The following ANKEF1 variants were observed in gnomAD, a reference collection of about 807,000 sequenced individuals.
ANKEF1 encodes the protein ankyrin repeat and EF-hand domain-containing protein 1.
A neutral mutation model predicts 65.1 loss-of-function variants in ANKEF1; 43 were observed. That is an observed-to-expected ratio of 0.66 (90% confidence interval 0.52 to 0.85). ANKEF1 has a LOEUF of 0.85. Among genes scored for constraint, ANKEF1 ranks in the 40% least tolerant of loss-of-function variants. ANKEF1 has a pLI of 0.00. For synonymous variants in ANKEF1, 316 were observed against 341.5 expected (o/e 0.93, Z 0.82); for missense variants, 934 against 952.9 (o/e 0.98, Z 0.26).
chr20:10,038,268 G>A lies in ANKEF1; in HGVS notation c.-34G>A, dbSNP rs768607390. 1 of 1,349,810 alleles carries A rather than the reference G, an allele frequency of 7.4e-7. No homozygotes were observed. The highest frequency in any genetic ancestry group is 9.8e-7 in the Non-Finnish European group (1 of 1,024,300). 83.6% of individuals were successfully genotyped at this position (1,349,810 alleles called of 1,614,324 possible). A position where few individuals can be genotyped will look rare whatever the true frequency, so the allele number is the denominator to read the frequency against. On this transcript the variant is annotated 5_prime_UTR_variant, in exon 3 of 11. Coordinates refer to ENST00000378392, the MANE Select transcript of ANKEF1 (RefSeq NM_022096.6). ...TTTTTGTTGCTTCAGCTTTAGTTTT[G>A]GTCCAGAAAGCATTTTCAAGGAGCT... is the stretch of plus-strand genomic sequence containing the variant.
Position 10,057,057 on chromosome 20 carries a change from C to G in ANKEF1, c.*1397C>G, listed in dbSNP as rs562389902. On this transcript the variant is annotated 3_prime_UTR_variant, in exon 11 of 11. Transcript: ENST00000378392. ...TGCAGTGGGTACCGAACAGGAGCTCCAAAAATATCCAACGTCTCATTGACA... is the reference window on the plus strand; with the variant it reads ...TGCAGTGGGTACCGAACAGGAGCTCGAAAAATATCCAACGTCTCATTGACA... 2 of 152,280 alleles carry G rather than the reference C, an allele frequency of 1.3e-5. No individual in the cohort carries two copies. Among genetic ancestry groups the G allele is most frequent in the African/African-American group, 2.4e-5 (1 of 41,554 alleles). The allele number at this position is 152,280 out of a possible 1,614,324, so 9.4% of individuals were successfully genotyped here.
Position 10,049,566 on chromosome 20 carries a change from T to C in ANKEF1, c.997T>C (p.Ser333Pro), listed in dbSNP as rs1984717488. 1 of 1,613,990 alleles carries C rather than the reference T, an allele frequency of 6.2e-7. No individual in the cohort carries two copies. The highest frequency in any genetic ancestry group is 8.5e-7 in the Non-Finnish European group (1 of 1,180,024). Residue 333 changes from serine (S) to proline (P), a missense_variant, in exon 7 of 11, where the codon TCC becomes CCC. By Grantham distance (74) the Ser-to-Pro change is moderately conservative (BLOSUM62 -1). Transcript: ENST00000378392. ...PLWALRLHDW[S>P]VEREAFLREA... is the part of the protein sequence containing the mutation. ...GTGGGCCCTTAGACTGCACGATTGG[T>C]CCGTAGAACGTGAGGCTTTCCTCCG...
At chr20:10,035,969 T>C (rs1052224073) in intron 2 of ANKEF1, among the ~76,000 whole-genome samples, 2 of 152,224 alleles carry the variant, frequency 1.3e-5, no homozygotes, top group Non-Finnish European at 2.9e-5. Flanking sequence ...AGGGTCATGC[T>C]GGGGAAAAGT....
In ANKEF1 at chr20:10,058,047, C is replaced by G. The variant is rs1465542117; in HGVS notation, c.*2387C>G. ...AGCAGTGCTACAGATGTCATTGCACCCTTCTCAGTACATCATATCAGGAGG... is the reference window on the plus strand; with the variant it reads ...AGCAGTGCTACAGATGTCATTGCACGCTTCTCAGTACATCATATCAGGAGG... On this transcript the variant is annotated 3_prime_UTR_variant, in exon 11 of 11. Coordinates refer to ENST00000378392, the MANE Select transcript of ANKEF1 (RefSeq NM_022096.6). The G allele has an allele frequency of 6.6e-6, 1 of 152,094 alleles. No homozygotes were observed. The highest frequency in any genetic ancestry group is 1.5e-5 in the Non-Finnish European group (1 of 68,000). The allele number at this position is 152,094 out of a possible 1,614,324, so 9.4% of individuals were successfully genotyped here. A position where few individuals can be genotyped will look rare whatever the true frequency, so the allele number is the denominator to read the frequency against.
rs1600507263 is a variant in ANKEF1, at chr20:10,038,163, T to A, written c.-44-95T>A. ...TTTCTGAACATTTCTTAAAAAACAA[T>A]CTCTGTTCTTAAGGAAGTTCCAAAA... On this transcript the variant is annotated intron_variant, in intron 2 of 10. Coordinates refer to ENST00000378392, the MANE Select transcript of ANKEF1 (RefSeq NM_022096.6). The A allele has an allele frequency of 1.2e-5, 6 of 515,714 alleles. No homozygotes were observed. In the East Asian group the frequency reaches 1.8e-4, roughly 15 times the overall value. 31.9% of individuals were successfully genotyped at this position (515,714 alleles called of 1,614,324 possible).
rs1984875381 is a variant in ANKEF1, at chr20:10,051,830, T to C, written c.1811T>C (p.Leu604Pro). The C allele has an allele frequency of 6.2e-7, 1 of 1,613,518 alleles. No individual in the cohort carries two copies. The highest frequency in any genetic ancestry group is 8.5e-7 in the Non-Finnish European group (1 of 1,179,820). The change falls in exon 8 of 11, where the codon CTG (leucine) becomes CCG (proline). Residue 604 changes from leucine (L) to proline (P), a missense_variant. Leu to Pro is a moderately conservative substitution (Grantham distance 98, BLOSUM62 -3). Coordinates refer to ENST00000378392, the MANE Select transcript of ANKEF1 (RefSeq NM_022096.6). ...PLNRAIESCRLDTVKYLLDIG... is the reference protein window; with the variant it reads ...PLNRAIESCRPDTVKYLLDIG... Reference sequence around the variant, plus strand: ...AATAGAGCCATTGAAAGCTGCAGACTGGATACAGTAAAATACCTACTTGAT... The same window carrying C: ...AATAGAGCCATTGAAAGCTGCAGACCGGATACAGTAAAATACCTACTTGAT...
At chr20:10,043,966 A>G (rs1984357732) in intron 4 of ANKEF1, among the ~76,000 whole-genome samples, 1 of 151,964 alleles carries the variant, frequency 6.6e-6, no homozygotes, top group Non-Finnish European at 1.5e-5. Context: ...TTCTGTTGTT[A>G]TATCAATTTC....
At position 10,038,436 on chromosome 20, in the gene ANKEF1, C is replaced by G; in HGVS notation, c.135C>G (p.Pro45=). ...CTGAACTAATCAATTATACAGAACC[C>G]ATTAATGGACTTAGTGCTTTGCACT... ...GYPELINYTE[P]INGLSALHLA... is the part of the protein sequence containing the mutation. Residue 45 remains proline (P), a synonymous_variant, in exon 3 of 11, where the codon CCC becomes CCG. Transcript: ENST00000378392. The G allele has an allele frequency of 6.2e-7, 1 of 1,614,136 alleles. No individual in the cohort carries two copies.
chr20:10,037,241 G>A (rs1427316850), intron 2 of ANKEF1, among the ~76,000 whole-genome samples: 1 of 152,128 alleles, frequency 6.6e-6, no homozygotes. Flanking sequence ...GATGGCTTCT[G>A]GCACCATGGA....
rs141096046 is a variant in ANKEF1, at chr20:10,055,582, C to T, written c.2253C>T (p.Asp751=). The change falls in exon 11 of 11, where the codon GAC becomes GAT. Residue 751 remains aspartate, a synonymous_variant. Transcript: ENST00000378392. Reference sequence around the variant, plus strand: ...GAGAGAGGTTTACACATGAGGTGGACTTCGACGATTTTATGATGCCTTTTC... The same window carrying T: ...GAGAGAGGTTTACACATGAGGTGGATTTCGACGATTTTATGATGCCTTTTC... ...LRRERFTHEV[D]FDDFMMPFQK... 40 of 1,613,650 alleles carry T rather than the reference C, an allele frequency of 2.5e-5. No homozygotes were observed. Among genetic ancestry groups the T allele is most frequent in the Non-Finnish European group, 3.0e-5 (35 of 1,179,816 alleles).
rs373899579 is a variant in ANKEF1, at chr20:10,038,292, C to G, written c.-10C>G. 1.2e-4 allele frequency: 170 copies of G among 1,439,102 alleles called. No individual in the cohort carries two copies. The highest frequency in any genetic ancestry group is 1.4e-4 in the Non-Finnish European group (157 of 1,086,176). 89.1% of individuals were successfully genotyped at this position (1,439,102 alleles called of 1,614,324 possible). A position where few individuals can be genotyped will look rare whatever the true frequency, so the allele number is the denominator to read the frequency against. ...TGGTCCAGAAAGCATTTTCAAGGAG[C>G]TGGTCAAGCATGGCTTTAGCAGATA... is the stretch of plus-strand genomic sequence containing the variant. On this transcript the variant is annotated 5_prime_UTR_variant, in exon 3 of 11. Coordinates refer to ENST00000378392, the MANE Select transcript of ANKEF1 (RefSeq NM_022096.6).
At chr20:10,046,272 T>C (rs899853515) in intron 6 of ANKEF1, among the ~76,000 whole-genome samples, 1 of 152,180 alleles carries the variant, frequency 6.6e-6, no homozygotes, top group Non-Finnish European at 1.5e-5. Context: ...AACTTACAGT[T>C]GATTAAGTTC....
At chr20:10,041,761 A>G (rs938788360) in intron 3 of ANKEF1, among the ~76,000 whole-genome samples, 1 of 152,184 alleles carries the variant, frequency 6.6e-6, no homozygotes, top group Non-Finnish European at 1.5e-5. Flanking sequence ...AAAGAGATTC[A>G]GTATTTATGA....
intron 3 of ANKEF1, among the ~76,000 whole-genome samples, chr20:10,038,955 A>C (rs1031402548): frequency 2.6e-5 from 4 of 152,104 alleles, no homozygotes; most frequent in African/African-American, 9.7e-5. Flanking sequence ...TAAATTATAA[A>C]CTCTTCTTTA....
chr20:10,040,009 A>T (rs1321171543), intron 3 of ANKEF1, among the ~76,000 whole-genome samples: 7 of 152,304 alleles, frequency 4.6e-5, no homozygotes, highest in South Asian at 2.1e-4. Flanking sequence ...AATTTTTTTT[A>T]AAAAATCAAG....
At position 10,057,518 on chromosome 20, in the gene ANKEF1, A is replaced by G. The variant is rs560334148; in HGVS notation, c.*1858A>G. The G allele has an allele frequency of 6.6e-6, 1 of 152,188 alleles. No homozygotes were observed. Among genetic ancestry groups the G allele is most frequent in the South Asian group, 2.1e-4 (1 of 4,818 alleles). The allele number at this position is 152,188 out of a possible 1,614,324, so 9.4% of individuals were successfully genotyped here. On this transcript the variant is annotated 3_prime_UTR_variant, in exon 11 of 11. Transcript: ENST00000378392. The stretch of plus-strand genomic sequence containing the variant: ...GTTAACCACTTACCACATTTGCTCT[A>G]TCTCTTTCTCCCTCTACATATATGC...
rs144477812 is a variant in ANKEF1, at chr20:10,038,344, A to C, written c.43A>C (p.Lys15Gln). ...DKRLENLQIYKVLQCVRNKDK... is the reference protein window; with the variant it reads ...DKRLENLQIYQVLQCVRNKDK... ...GAGACTTGAGAACTTACAGATCTACAAAGTTCTTCAATGTGTGCGGAACAA... is the reference window on the plus strand; with the variant it reads ...GAGACTTGAGAACTTACAGATCTACCAAGTTCTTCAATGTGTGCGGAACAA... The change falls in exon 3 of 11, where the codon AAA (lysine) becomes CAA (glutamine). Residue 15 changes from lysine (K) to glutamine (Q), a missense_variant. Coordinates refer to ENST00000378392, the MANE Select transcript of ANKEF1 (RefSeq NM_022096.6). 3.8e-4 allele frequency: 610 copies of C among 1,597,472 alleles called. 2 individuals carry two copies. Among genetic ancestry groups the C allele is most frequent in the Non-Finnish European group, 5.0e-4 (585 of 1,168,834 alleles).
In ANKEF1 at chr20:10,038,708, A is replaced by G; in HGVS notation, c.346+61A>G. The stretch of plus-strand genomic sequence containing the variant: ...TTCATTTTGTAGCCAGAAAGCAATA[A>G]CATGGACTCTTTTTGTTTTCCAACT... On this transcript the variant is annotated intron_variant, in intron 3 of 10. Transcript: ENST00000378392. 3 of 1,301,418 alleles carry G rather than the reference A, an allele frequency of 2.3e-6. No individual in the cohort carries two copies. In the East Asian group the frequency reaches 7.5e-5, roughly 33 times the overall value. 80.6% of individuals were successfully genotyped at this position (1,301,418 alleles called of 1,614,324 possible). A position where few individuals can be genotyped will look rare whatever the true frequency, so the allele number is the denominator to read the frequency against.
Position 10,056,330 on chromosome 20 carries a change from A to G in ANKEF1, c.*670A>G, listed in dbSNP as rs991970704. On this transcript the variant is annotated 3_prime_UTR_variant, in exon 11 of 11. Transcript: ENST00000378392. Reference sequence around the variant, plus strand: ...TAGCCCTAGCCCTAGATAGATAGCTATTAGGTTGGTGCAAAAGTAATTGTG... The same window carrying G: ...TAGCCCTAGCCCTAGATAGATAGCTGTTAGGTTGGTGCAAAAGTAATTGTG... 4 of 151,492 alleles carry G rather than the reference A, an allele frequency of 2.6e-5. No individual in the cohort carries two copies. Among genetic ancestry groups the G allele is most frequent in the African/African-American group, 7.3e-5 (3 of 41,242 alleles). 9.4% of individuals were successfully genotyped at this position (151,492 alleles called of 1,614,324 possible).
Sources: gnomAD v4.1 joint callset for allele counts (sites outside exome capture counted in the v4.1 genomes callset) on GRCh38, gnomAD v4.1.1 for gene constraint, MANE v1.5 for transcripts, NCBI Gene and HGNC (gene_info 2026-07-23, HGNC 2026-07-21) for gene names.